Variants in KDM3B observed in about 807,000 individuals in gnomAD.
KDM3B encodes the protein lysine-specific demethylase 3B.
In KDM3B, 10 loss-of-function variants were observed where a neutral mutation model predicts 170.0. That is an observed-to-expected ratio of 0.06 (90% CI 0.04 to 0.10). The LOEUF (loss-of-function observed/expected upper bound fraction) is 0.10, where lower values mean the gene tolerates loss of function less well. KDM3B is among the 10% of genes least tolerant of loss of function. KDM3B has a pLI of 1.00. For synonymous variants in KDM3B, 831 were observed against 834.8 expected, an observed-to-expected ratio of 1.00 and a Z score of 0.08; for missense variants, 1,394 against 2,195.2, an observed-to-expected ratio of 0.64 and a Z score of 7.29.
intron 11 of KDM3B, among the ~76,000 whole-genome samples, chr5:138,406,899 A>T (rs142775082): frequency 0.015 from 2,229 of 152,162 alleles, 92 homozygotes; most frequent in Admixed American, 0.09. Context: ...TTAATAATAA[A>T]AAAAAAGAAT....
At chr5:138,361,634 A>G (rs896265922) in intron 1 of KDM3B, among the ~76,000 whole-genome samples, 2 of 152,158 alleles carry the variant, frequency 1.3e-5, no homozygotes, top group African/African-American at 4.8e-5. Context: ...TCACTTTTCT[A>G]GTATTTTCTG....
intron 9 of KDM3B, among the ~76,000 whole-genome samples, chr5:138,394,185 C>T (rs962060764): frequency 6.6e-6 from 1 of 152,034 alleles, no homozygotes; most frequent in Non-Finnish European, 1.5e-5. Context: ...CCAGCATGGG[C>T]AACATAGTGA....
At chr5:138,433,100 T>G (rs1763578131) in intron 23 of KDM3B, among the ~76,000 whole-genome samples, 1 of 150,612 alleles carries the variant, frequency 6.6e-6, no homozygotes, top group Non-Finnish European at 1.5e-5. Context: ...CTGAGTCTGA[T>G]GCACTTTTCC....
chr5:138,405,718 G>A (rs868435641), intron 11 of KDM3B, among the ~76,000 whole-genome samples: 2 of 152,086 alleles, frequency 1.3e-5, no homozygotes, highest in African/African-American at 2.4e-5. Flanking sequence ...TCTTTTTCTC[G>A]TTTATAATCT....
intron 6 of KDM3B, among the ~76,000 whole-genome samples, chr5:138,383,849 C>T (rs989100022): frequency 6.6e-6 from 1 of 151,704 alleles, no homozygotes; most frequent in African/African-American, 2.4e-5. Context: ...ACTTGGGAGG[C>T]TGAGGCAAGA....
intron 20 of KDM3B, among the ~76,000 whole-genome samples, chr5:138,429,152 A>G (rs1763470520): frequency 6.6e-6 from 1 of 151,590 alleles, no homozygotes; most frequent in Non-Finnish European, 1.5e-5. Flanking sequence ...CCTGGGTTCA[A>G]GCAATTCTCA....
intron 1 of KDM3B, among the ~76,000 whole-genome samples, chr5:138,355,246 A>G (rs938739197): frequency 1.3e-5 from 2 of 152,198 alleles, no homozygotes; most frequent in African/African-American, 4.8e-5. Flanking sequence ...CCTTTTAAGG[A>G]TGAGTAATTG....
At position 138,430,043 on chromosome 5, in the gene KDM3B, C is replaced by T. The variant is rs144875091; in HGVS notation, c.4893+78C>T. 8.6e-4 allele frequency: 1,346 copies of T among 1,558,038 alleles called. 28 individuals carry two copies. The East Asian group carries it at 0.025, about 29-fold the overall frequency. Reference sequence around the variant, plus strand: ...CTGAGACACCCTATCTAGGGTTTCTCATGTAGAGTCCCTTGGCATTAAAGA... The same window carrying T: ...CTGAGACACCCTATCTAGGGTTTCTTATGTAGAGTCCCTTGGCATTAAAGA... On this transcript the variant is annotated intron_variant, in intron 21 of 23. Coordinates refer to ENST00000314358, the MANE Select transcript of KDM3B (RefSeq NM_016604.4).
intron 20 of KDM3B, 32 bp from the exon 21 acceptor site, chr5:138,429,794 C>CT (rs775127382): frequency 6.2e-7 from 1 of 1,610,134 alleles, no homozygotes; most frequent in Non-Finnish European, 8.5e-7. Flanking sequence ...AAATGGCTGA[C>CT]TACATTGAAA....
chr5:138,371,442 G>A (rs1239431292), intron 1 of KDM3B, among the ~76,000 whole-genome samples: 3 of 144,804 alleles, frequency 2.1e-5, no homozygotes, highest in African/African-American at 5.2e-5. Flanking sequence ...GCAACAAAGT[G>A]AGACCCTGTC....
intron 11 of KDM3B, among the ~76,000 whole-genome samples, chr5:138,412,027 A>G (rs1177543631): frequency 1.3e-5 from 2 of 149,454 alleles, no homozygotes; most frequent in Non-Finnish European, 3.0e-5. Flanking sequence ...AAAGTTTAAA[A>G]CTTTACCTTT....
In KDM3B at chr5:138,435,725, T is replaced by C. The variant is rs758347181; in HGVS notation, c.*25T>C. On this transcript the variant is annotated 3_prime_UTR_variant, in exon 24 of 24. Transcript: ENST00000314358. ...GGCATGGAGAAACTCCAAGCTCCTC[T>C]GTGAAGCAGGTCTTTCACTCACAAC... 6.3e-7 allele frequency: 1 copy of C among 1,578,360 alleles called. No individual in the cohort carries two copies. Among genetic ancestry groups the C allele is most frequent in the African/African-American group, 1.3e-5 (1 of 74,312 alleles).
intron 3 of KDM3B, among the ~76,000 whole-genome samples, chr5:138,375,923 T>C (rs1183890161): frequency 6.6e-6 from 1 of 151,426 alleles, no homozygotes; most frequent in Non-Finnish European, 1.5e-5. Flanking sequence ...GCGATCCACC[T>C]GCCTTGGCCT....
At chr5:138,414,174 AT>A (rs1420775644) in intron 11 of KDM3B, among the ~76,000 whole-genome samples, 2 of 150,158 alleles carry the variant, frequency 1.3e-5, no homozygotes, top group South Asian at 4.2e-4. Flanking sequence ...ACTTATTATT[AT>A]TTTTTTTTGA....
chr5:138,423,135 G>A (rs748301753), intron 15 of KDM3B, among the ~76,000 whole-genome samples: 1 of 152,150 alleles, frequency 6.6e-6, no homozygotes, highest in Non-Finnish European at 1.5e-5. Context: ...GTAGAGACAG[G>A]GTTGGCCACC....
intron 7 of KDM3B, among the ~76,000 whole-genome samples, chr5:138,388,339 T>C (rs1392526258): frequency 6.6e-6 from 1 of 151,696 alleles, no homozygotes; most frequent in Admixed American, 6.6e-5. Context: ...GATTTAAAAG[T>C]ATAGAAATGA....
rs1319635518 is a variant in KDM3B, at chr5:138,435,603, C to T, written c.5206-17C>T. On this transcript the variant is annotated splice_polypyrimidine_tract_variant and intron_variant, in intron 23 of 23. Coordinates refer to ENST00000314358, the MANE Select transcript of KDM3B (RefSeq NM_016604.4). ...ATGGGGCTGCTGTGAACTGACTTTG[C>T]TGTACACCTTCTCTAGGTGAAGAAC... 1 of 1,607,694 alleles carries T rather than the reference C, an allele frequency of 6.2e-7. No individual in the cohort carries two copies. Among genetic ancestry groups the T allele is most frequent in the Non-Finnish European group, 8.5e-7 (1 of 1,174,648 alleles).
intron 23 of KDM3B, among the ~76,000 whole-genome samples, chr5:138,434,722 TAG>T (rs1309479327): frequency 6.6e-6 from 1 of 152,188 alleles, no homozygotes; most frequent in Non-Finnish European, 1.5e-5. Flanking sequence ...TTAACCCTAC[TAG>T]AATGTAAGCT....
intron 11 of KDM3B, among the ~76,000 whole-genome samples, chr5:138,404,926 A>G (rs1276689932): frequency 6.6e-6 from 1 of 151,232 alleles, no homozygotes; most frequent in East Asian, 2.0e-4. Flanking sequence ...TAGTAGAGAC[A>G]GTGTTTCGCC....
Sources: allele counts gnomAD v4.1 joint callset (sites outside exome capture counted in the v4.1 genomes callset), GRCh38; gene constraint gnomAD v4.1.1; transcripts MANE v1.5; gene names NCBI Gene and HGNC (gene_info 2026-07-23, HGNC 2026-07-21).